The following GRIA2 variants were observed in gnomAD, a reference collection of about 807,000 sequenced individuals.
The protein encoded by GRIA2 is glutamate ionotropic receptor AMPA type subunit 2, also known as glutamate receptor 2.
A neutral mutation model predicts 97.3 loss-of-function variants in GRIA2; 14 were observed. That is an observed-to-expected ratio of 0.14 (90% CI 0.10 to 0.23). GRIA2 has a LOEUF of 0.23. Among genes scored for constraint, GRIA2 ranks in the 10% least tolerant of loss-of-function variants. The probability of loss-of-function intolerance (pLI) is 1.00; values close to 1 mark genes in which losing one functional copy is unlikely to be tolerated. For synonymous variants in GRIA2, 412 were observed against 387.8 expected, an observed-to-expected ratio of 1.06 and a Z score of -0.73; for missense variants, 558 against 1,069.8, an observed-to-expected ratio of 0.52 and a Z score of 6.67.
rs1010540757 is a variant in GRIA2 at position 157,221,652 on chromosome 4, G to A, written c.89-15G>A. The A allele has an allele frequency of 1.9e-6, 3 of 1,613,718 alleles. No homozygotes were observed. The highest frequency in any genetic ancestry group is 2.5e-6 in the Non-Finnish European group (3 of 1,179,748). On this transcript the variant is annotated splice_polypyrimidine_tract_variant and intron_variant, in intron 1 of 15. Transcript: ENST00000264426. ...CACTGACACTGTTCTCTTGCTTGCT[G>A]TTTGTTCTTTGCAGGGGGGCTATTT...
intron 2 of GRIA2, among the ~76,000 whole-genome samples, chr4:157,289,811 A>G (rs998519813): frequency 3.3e-5 from 5 of 151,890 alleles, no homozygotes; most frequent in African/African-American, 1.2e-4. Context: ...TTTAAATAAA[A>G]AGCTAGAGAG....
At chr4:157,245,192 A>G (rs1049424684) in intron 2 of GRIA2, among the ~76,000 whole-genome samples, 1 of 151,990 alleles carries the variant, frequency 6.6e-6, no homozygotes, top group Non-Finnish European at 1.5e-5. Flanking sequence ...CCCTTTAGGA[A>G]AGCTGTGATC....
intron 2 of GRIA2, among the ~76,000 whole-genome samples, chr4:157,265,613 A>G (rs1731735921): frequency 6.6e-6 from 1 of 152,084 alleles, no homozygotes; most frequent in African/African-American, 2.4e-5. Flanking sequence ...GCCTCCTTAG[A>G]GTGAGTTCAT....
At chr4:157,265,012 A>C (rs892580565) in intron 2 of GRIA2, among the ~76,000 whole-genome samples, 19 of 152,152 alleles carry the variant, frequency 1.2e-4, no homozygotes, top group African/African-American at 4.1e-4. Flanking sequence ...GCAGTAAATA[A>C]AAGAGGCATA....
intron 2 of GRIA2, among the ~76,000 whole-genome samples, chr4:157,284,560 T>A (rs986963608): frequency 2.6e-5 from 4 of 151,774 alleles, no homozygotes; most frequent in African/African-American, 9.7e-5. Context: ...ACAATTGAGA[T>A]GTCTTGAGTT....
intron 12 of GRIA2, among the ~76,000 whole-genome samples, chr4:157,346,251 T>C (rs1351218942): frequency 6.6e-6 from 1 of 152,166 alleles, no homozygotes; most frequent in African/African-American, 2.4e-5. Flanking sequence ...ACACCTCTTC[T>C]ATGGAACTGT....
intron 12 of GRIA2, among the ~76,000 whole-genome samples, chr4:157,345,698 A>T (rs781121487): frequency 1.1e-4 from 17 of 152,138 alleles, no homozygotes; most frequent in Non-Finnish European, 1.8e-4. Context: ...TAACTTGCAG[A>T]TAGGAAGTAA....
rs191385797 is a variant in GRIA2, at chr4:157,293,919, T to C, written c.230-9633T>C. Among the ~76,000 whole-genome samples, 8 of 152,234 alleles carry C rather than the reference T, an allele frequency of 5.3e-5. No homozygotes were observed. The East Asian group carries it at 1.5e-3, about 29-fold the overall frequency. On this transcript the variant is annotated intron_variant, in intron 2 of 15. Transcript: ENST00000264426. The stretch of plus-strand genomic sequence containing the variant: ...GATAATCCCTCCAATTCCTTGGCAA[T>C]TTAGAGATGAATGCTAATGGCCCAG...
At chr4:157,250,483 C>G (rs1730973209) in intron 2 of GRIA2, among the ~76,000 whole-genome samples, 1 of 151,962 alleles carries the variant, frequency 6.6e-6, no homozygotes, top group Non-Finnish European at 1.5e-5. Context: ...TTTTTTCTCA[C>G]CTGGGCAATG....
chr4:157,301,526 A>T, intron 2 of GRIA2, among the ~76,000 whole-genome samples: 1 of 152,218 alleles, frequency 6.6e-6, no homozygotes. Context: ...TCGGCAAATA[A>T]GGGCCACTTA....
At chr4:157,290,733 C>A (rs1216787290) in intron 2 of GRIA2, among the ~76,000 whole-genome samples, 2 of 151,586 alleles carry the variant, frequency 1.3e-5, no homozygotes, top group Admixed American at 1.3e-4. Flanking sequence ...TGCTTTGATT[C>A]ATTGATAAAG....
intron 6 of GRIA2, 115 bp from the exon 7 acceptor site, chr4:157,332,704 A>G: frequency 1.5e-6 from 1 of 665,650 alleles, no homozygotes; most frequent in South Asian, 2.4e-5. Flanking sequence ...TTGTGTTTAA[A>G]TTCTTGGACT....
At chr4:157,253,237 C>A (rs1731092492) in intron 2 of GRIA2, among the ~76,000 whole-genome samples, 1 of 151,946 alleles carries the variant, frequency 6.6e-6, no homozygotes, top group African/African-American at 2.4e-5. Context: ...CCACTTCATC[C>A]TCCCAAGTAG....
At chr4:157,341,665 G>A (rs1002492990) in intron 12 of GRIA2, among the ~76,000 whole-genome samples, 8 of 151,934 alleles carry the variant, frequency 5.3e-5, no homozygotes, top group Non-Finnish European at 8.8e-5. Context: ...TGACTCCTTA[G>A]GAGAAAAATC....
At chr4:157,330,080 A>G (rs1286632638) in intron 6 of GRIA2, among the ~76,000 whole-genome samples, 2 of 152,002 alleles carry the variant, frequency 1.3e-5, no homozygotes, top group Non-Finnish European at 2.9e-5. Context: ...CTTGTCACAA[A>G]GAGAACAAGG....
intron 2 of GRIA2, among the ~76,000 whole-genome samples, chr4:157,298,704 A>G (rs1733473334): frequency 6.7e-6 from 1 of 150,080 alleles, no homozygotes; most frequent in Non-Finnish European, 1.5e-5. Context: ...GTGGAACACC[A>G]AAACATAGTA....
intron 11 of GRIA2, among the ~76,000 whole-genome samples, chr4:157,338,094 A>T (rs1366085022): frequency 6.9e-6 from 1 of 144,644 alleles, no homozygotes; most frequent in Non-Finnish European, 1.5e-5. Context: ...TAAGATTCAT[A>T]GTTTTATCAT....
intron 2 of GRIA2, among the ~76,000 whole-genome samples, chr4:157,241,273 A>T (rs1315556521): frequency 1.3e-5 from 2 of 152,044 alleles, no homozygotes; most frequent in East Asian, 3.9e-4. Flanking sequence ...CTATCATCAG[A>T]TGTTGTTTGA....
At chr4:157,257,076 A>G (rs1182052127) in intron 2 of GRIA2, among the ~76,000 whole-genome samples, 2 of 152,082 alleles carry the variant, frequency 1.3e-5, no homozygotes, top group Non-Finnish European at 2.9e-5. Flanking sequence ...AGTTGGAAGA[A>G]ATCAGTTATG....
Sources: allele counts gnomAD v4.1 joint callset (sites outside exome capture counted in the v4.1 genomes callset), GRCh38; gene constraint gnomAD v4.1.1; transcripts MANE v1.5; gene names NCBI Gene and HGNC (gene_info 2026-07-23, HGNC 2026-07-21).